Variants in RABGAP1L observed in about 807,000 individuals in gnomAD.
RABGAP1L encodes RAB GTPase activating protein 1 like.
RABGAP1L carries 63 observed loss-of-function variants against 137.7 expected under a neutral mutation model. The ratio of observed to expected loss-of-function variants is 0.46; its 90% CI spans 0.37 to 0.56. RABGAP1L has a LOEUF of 0.56. Ranked by LOEUF, RABGAP1L falls within the 20% of genes least tolerant of loss-of-function variation. The pLI, the probability that RABGAP1L is intolerant of heterozygous loss-of-function variation, is 0.00. For missense variants in RABGAP1L, 1,095 were observed against 1,244.0 expected, an observed-to-expected ratio of 0.88 and a Z score of 1.80; for synonymous variants, 431 against 433.7, an observed-to-expected ratio of 0.99 and a Z score of 0.08.
At chr1:174,514,905 GT>G (rs978801531) in intron 13 of RABGAP1L, among the ~76,000 whole-genome samples, 2 of 151,992 alleles carry the variant, frequency 1.3e-5, no homozygotes, top group Non-Finnish European at 2.9e-5. Flanking sequence ...GATAATTTTT[GT>G]TTTTGTAGGT....
chr1:174,448,242 C>T lies in RABGAP1L; in HGVS notation c.1710+54097C>T. ...GTGGTGGATGTCTGCATCTTCGAGA[C>T]AGTGGTTATTGTGTTGCTGACATTT... On this transcript the variant is annotated intron_variant, in intron 13 of 25. Coordinates refer to ENST00000681986, the MANE Select transcript of RABGAP1L (RefSeq NM_001366446.1). This position sits in a 1 kb window ranked among gnomAD's most constrained non-coding sequence, Gnocchi z 4.2. 2 of 1,614,034 alleles carry T rather than the reference C, an allele frequency of 1.2e-6. No homozygotes were observed. The highest frequency in any genetic ancestry group is 1.7e-6 in the Non-Finnish European group (2 of 1,179,948).
rs144520257 is a variant in RABGAP1L, at chr1:174,242,891, T to G, written c.717+1234T>G. ...GTATGCTGCTAGTGTGCCTAGCATA[T>G]AGTAGACAGTGAATATAAATATGCT... On this transcript the variant is annotated intron_variant, in intron 5 of 25. Coordinates refer to ENST00000681986, the MANE Select transcript of RABGAP1L (RefSeq NM_001366446.1). The G allele has an allele frequency of 1.3e-3, 196 of 152,238 alleles. 1 individual carries two copies. Among genetic ancestry groups the G allele is most frequent in the African/African-American group, 4.7e-3 (194 of 41,544 alleles). The allele number at this position is 152,238 out of a possible 1,614,324, so 9.4% of individuals were successfully genotyped here.
intron 15 of RABGAP1L, among the ~76,000 whole-genome samples, chr1:174,694,435 G>T (rs554581228): frequency 1.3e-5 from 2 of 150,048 alleles, no homozygotes; most frequent in Non-Finnish European, 1.5e-5. Context: ...CACCTATGAG[G>T]GAGAATATGC....
intron 17 of RABGAP1L, among the ~76,000 whole-genome samples, chr1:174,733,920 TG>T (rs1419452157): frequency 6.6e-6 from 1 of 151,926 alleles, no homozygotes; most frequent in African/African-American, 2.4e-5. Flanking sequence ...TAGGTAAGGG[TG>T]GGAGCAGTGG....
intron 13 of RABGAP1L, among the ~76,000 whole-genome samples, chr1:174,589,416 T>G (rs2148122099): frequency 6.6e-6 from 1 of 152,354 alleles, no homozygotes; most frequent in African/African-American, 2.4e-5. Flanking sequence ...TTCACTTCGT[T>G]GATCATTTCC....
At chr1:174,191,550 C>T (rs1667210183) in intron 1 of RABGAP1L, among the ~76,000 whole-genome samples, 1 of 152,212 alleles carries the variant, frequency 6.6e-6, no homozygotes, top group Non-Finnish European at 1.5e-5. Context: ...CTGCTACCCT[C>T]ATAAATTGGG....
At chr1:174,305,265 T>G in intron 11 of RABGAP1L, 138 bp downstream of exon 11, 1 of 865,306 alleles carries the variant, frequency 1.2e-6, no homozygotes, top group Non-Finnish European at 1.6e-6. Flanking sequence ...TTCTACAAGG[T>G]GCAGAAAAGA....
chr1:174,744,739 C>T (rs374098439), intron 17 of RABGAP1L, among the ~76,000 whole-genome samples: 3 of 152,076 alleles, frequency 2.0e-5, no homozygotes, highest in East Asian at 1.9e-4. Flanking sequence ...ACACTGAAAA[C>T]GGTCCCATAT....
intron 13 of RABGAP1L, among the ~76,000 whole-genome samples, chr1:174,481,314 T>C (rs1057437115): frequency 2.6e-5 from 4 of 152,182 alleles, no homozygotes; most frequent in Admixed American, 1.3e-4. Flanking sequence ...TTGACCACTT[T>C]TTGCTTGAAG....
At chr1:174,377,345 C>G (rs1222677483) in intron 12 of RABGAP1L, among the ~76,000 whole-genome samples, 1 of 151,992 alleles carries the variant, frequency 6.6e-6, no homozygotes, top group African/African-American at 2.4e-5. Context: ...TAGCAACCAA[C>G]AAGCTGATTT....
chr1:174,353,182 G>A (rs981641561), intron 11 of RABGAP1L, among the ~76,000 whole-genome samples: 1 of 152,120 alleles, frequency 6.6e-6, no homozygotes, highest in African/African-American at 2.4e-5. Context: ...AGAGTGTGTC[G>A]TGAAATGTTA....
intron 19 of RABGAP1L, among the ~76,000 whole-genome samples, chr1:174,909,862 G>A (rs908405448): frequency 2.6e-5 from 4 of 152,074 alleles, no homozygotes; most frequent in Non-Finnish European, 4.4e-5. Context: ...GAGATCAGCC[G>A]GGTGTGGTGG....
chr1:174,243,318 A>G (rs1294604447), intron 5 of RABGAP1L: 1 of 152,182 alleles, frequency 6.6e-6, no homozygotes, highest in Non-Finnish European at 1.5e-5. Context: ...TGGATATAGT[A>G]TTAAATAAAT....
chr1:174,740,191 G>A (rs1683273355), intron 17 of RABGAP1L, among the ~76,000 whole-genome samples: 1 of 152,174 alleles, frequency 6.6e-6, no homozygotes, highest in African/African-American at 2.4e-5. Flanking sequence ...ATGGTTGGTA[G>A]CAGTGGAGTC....
chr1:174,265,533 G>A (rs1335521951), intron 7 of RABGAP1L, among the ~76,000 whole-genome samples: 3 of 143,820 alleles, frequency 2.1e-5, no homozygotes, highest in Non-Finnish European at 3.0e-5. Context: ...GACAGAGCTG[G>A]AGCCTGTCTT....
At chr1:174,608,618 G>A (rs1310972914) in intron 13 of RABGAP1L, among the ~76,000 whole-genome samples, 2 of 152,108 alleles carry the variant, frequency 1.3e-5, no homozygotes, top group East Asian at 3.8e-4. Context: ...CAAAAGCCTT[G>A]AAGCTTAAAG....
At chr1:174,737,681 C>T (rs752718681) in intron 17 of RABGAP1L, among the ~76,000 whole-genome samples, 2 of 152,150 alleles carry the variant, frequency 1.3e-5, no homozygotes, top group Non-Finnish European at 2.9e-5. Context: ...TGTAAAGAAA[C>T]ACCTGAGACT....
At chr1:174,939,264 A>G (rs1665420955) in intron 19 of RABGAP1L, among the ~76,000 whole-genome samples, 1 of 152,190 alleles carries the variant, frequency 6.6e-6, no homozygotes, top group African/African-American at 2.4e-5. Flanking sequence ...GATTAAAGAA[A>G]TGAATTTTGG....
intron 1 of RABGAP1L, among the ~76,000 whole-genome samples, chr1:174,217,778 A>C (rs1293546086): frequency 6.6e-6 from 1 of 152,090 alleles, no homozygotes; most frequent in Non-Finnish European, 1.5e-5. Flanking sequence ...CTTTATTTTG[A>C]TATTCTTGAA....
Sources: allele counts gnomAD v4.1 joint callset (sites outside exome capture counted in the v4.1 genomes callset), GRCh38; gene constraint gnomAD v4.1.1; non-coding constraint Gnocchi (gnomAD v3.1); transcripts MANE v1.5; gene names NCBI Gene and HGNC (gene_info 2026-07-23, HGNC 2026-07-21).